Variants in DLGAP1 observed in about 807,000 individuals in gnomAD.
The protein encoded by DLGAP1 is DLG associated protein 1, also known as disks large-associated protein 1.
A neutral mutation model predicts 90.8 loss-of-function variants in DLGAP1; 11 were observed. The observed-to-expected ratio is 0.12, with a 90% CI of 0.08 to 0.20. DLGAP1 has a LOEUF of 0.20. Ranked by LOEUF, DLGAP1 falls within the 10% of genes least tolerant of loss-of-function variation. The pLI is 1.00. For synonymous variants in DLGAP1, 558 were observed against 540.7 expected (o/e 1.03, Z -0.44); for missense variants, 1,050 against 1,333.8 (o/e 0.79, Z 3.31).
intron 5 of DLGAP1, among the ~76,000 whole-genome samples, chr18:3,768,726 TGG>T (rs2064373960): frequency 6.6e-6 from 1 of 152,166 alleles, no homozygotes; most frequent in South Asian, 2.1e-4. Context: ...CTGGAGCAAT[TGG>T]ACATCCACAG....
At chr18:4,265,667 T>TCCTTCCTC (rs2079112471) in intron 1 of DLGAP1, among the ~76,000 whole-genome samples, 1 of 38,444 alleles carries the variant, frequency 2.6e-5, no homozygotes, top group Admixed American at 3.2e-4. Context: ...CTCCCTCCCT[T>TCCTTCCTC]CCTTCCTTCC....
At chr18:4,134,846 C>CA (rs562449703) in intron 2 of DLGAP1, among the ~76,000 whole-genome samples, 62 of 151,958 alleles carry the variant, frequency 4.1e-4, no homozygotes, top group African/African-American at 1.2e-3. Flanking sequence ...GCATGTGCAC[C>CA]AACACGCTGT....
intron 1 of DLGAP1, among the ~76,000 whole-genome samples, chr18:4,321,380 C>T (rs1384902285): frequency 6.6e-6 from 1 of 152,158 alleles, no homozygotes; most frequent in Non-Finnish European, 1.5e-5. Flanking sequence ...AAGAATGTAA[C>T]TACAGAAAAT....
intron 11 of DLGAP1, among the ~76,000 whole-genome samples, chr18:3,506,273 G>A (rs1224942562): frequency 1.3e-5 from 2 of 151,486 alleles, no homozygotes; most frequent in Admixed American, 6.6e-5. Flanking sequence ...CAACACTTTC[G>A]GTGGCCGAGG....
chr18:4,375,890 T>C (rs538835172), intron 1 of DLGAP1, among the ~76,000 whole-genome samples: 2 of 118,350 alleles, frequency 1.7e-5, no homozygotes, highest in South Asian at 6.5e-4. Context: ...GCTCATTGCT[T>C]ACAGATATGC....
At chr18:3,982,196 C>T (rs1247048127) in intron 3 of DLGAP1, among the ~76,000 whole-genome samples, 1 of 152,156 alleles carries the variant, frequency 6.6e-6, no homozygotes, top group African/African-American at 2.4e-5. Context: ...TAAGGCAAAG[C>T]ATACAGGATC....
At chr18:4,207,536 G>A (rs530713335) in intron 1 of DLGAP1, among the ~76,000 whole-genome samples, 1 of 152,182 alleles carries the variant, frequency 6.6e-6, no homozygotes, top group Non-Finnish European at 1.5e-5. Flanking sequence ...AGGCTTCAAC[G>A]GAATTTACCA....
At chr18:4,440,719 C>G (rs2083517260) in intron 1 of DLGAP1, among the ~76,000 whole-genome samples, 1 of 152,204 alleles carries the variant, frequency 6.6e-6, no homozygotes, top group Admixed American at 6.5e-5. Context: ...ACTCACTATT[C>G]AATCAGTTTT....
chr18:4,225,754 A>G (rs2078173102), intron 1 of DLGAP1, among the ~76,000 whole-genome samples: 1 of 151,990 alleles, frequency 6.6e-6, no homozygotes, highest in South Asian at 2.1e-4. Flanking sequence ...TACACAGAGG[A>G]GATAAAAGCA....
At chr18:4,042,400 T>C (rs998904800) in intron 2 of DLGAP1, among the ~76,000 whole-genome samples, 1 of 152,236 alleles carries the variant, frequency 6.6e-6, no homozygotes, top group Admixed American at 6.5e-5. Context: ...ATCAAGTTTG[T>C]ATCTGCAAGA....
At chr18:3,792,996 T>C (rs971564148) in intron 5 of DLGAP1, among the ~76,000 whole-genome samples, 1 of 152,208 alleles carries the variant, frequency 6.6e-6, no homozygotes, top group African/African-American at 2.4e-5. Flanking sequence ...GCTGGGCCTG[T>C]GGAGGCTTTT....
intron 4 of DLGAP1, among the ~76,000 whole-genome samples, chr18:3,824,561 A>T (rs1007117717): frequency 2.6e-5 from 4 of 152,222 alleles, no homozygotes; most frequent in Non-Finnish European, 4.4e-5. Flanking sequence ...TAAAAATTTT[A>T]AAAAAGGTTT....
intron 3 of DLGAP1, among the ~76,000 whole-genome samples, chr18:3,917,927 T>A (rs62083592): frequency 0.12 from 18,260 of 152,086 alleles, 1,150 homozygotes; most frequent in Non-Finnish European, 0.12. Flanking sequence ...TGGTGAAGAC[T>A]GTAGAAAGGA....
chr18:4,118,679 A>T (rs527675676), intron 2 of DLGAP1, among the ~76,000 whole-genome samples: 2 of 134,340 alleles, frequency 1.5e-5, no homozygotes, highest in South Asian at 4.9e-4. Flanking sequence ...TGGTGGGAAG[A>T]GTCTCATTTT....
chr18:4,355,778 C>A (rs2081499887), intron 1 of DLGAP1, among the ~76,000 whole-genome samples: 1 of 131,414 alleles, frequency 7.6e-6, no homozygotes, highest in African/African-American at 2.9e-5. Flanking sequence ...TTTTGTGAAT[C>A]TATAATTTCA....
At chr18:4,380,380 C>G (rs980948343) in intron 1 of DLGAP1, among the ~76,000 whole-genome samples, 2 of 152,112 alleles carry the variant, frequency 1.3e-5, no homozygotes, top group Non-Finnish European at 2.9e-5. Flanking sequence ...GGCATTTGCC[C>G]TTGACTGCAG....
intron 1 of DLGAP1, among the ~76,000 whole-genome samples, chr18:4,391,183 T>C (rs2082332739): frequency 6.6e-6 from 1 of 152,164 alleles, no homozygotes; most frequent in African/African-American, 2.4e-5. Flanking sequence ...GCAATCACTT[T>C]CTCAAATGCA....
At chr18:4,285,572 G>A (rs1343213902) in intron 1 of DLGAP1, among the ~76,000 whole-genome samples, 5 of 152,166 alleles carry the variant, frequency 3.3e-5, no homozygotes, top group African/African-American at 1.2e-4. Context: ...AGCAATGAAC[G>A]ACTCATGAAT....
At position 4,214,086 on chromosome 18, in the gene DLGAP1, C is replaced by T. The variant is rs148384160; in HGVS notation, c.-266-62799G>A. On this transcript the variant is annotated intron_variant, in intron 1 of 12. Coordinates refer to ENST00000315677, the MANE Select transcript of DLGAP1 (RefSeq NM_004746.4). ...GGTGAGGACAATGCTTCCAAGATGC[C>T]GAAACTCATCAAGACGGATAAAGGT... Among the ~76,000 whole-genome samples, 45 of 151,984 alleles carry T rather than the reference C, an allele frequency of 3.0e-4. No individual in the cohort carries two copies. In the East Asian group the frequency reaches 7.7e-3, roughly 26 times the overall value.
Sources: gnomAD v4.1 joint callset for allele counts (sites outside exome capture counted in the v4.1 genomes callset) on GRCh38, gnomAD v4.1.1 for gene constraint, MANE v1.5 for transcripts, NCBI Gene and HGNC (gene_info 2026-07-23, HGNC 2026-07-21) for gene names.